Variants in ALDH4A1 observed in about 807,000 individuals in gnomAD.
ALDH4A1 encodes delta-1-pyrroline-5-carboxylate dehydrogenase, mitochondrial.
In ALDH4A1, 46 loss-of-function variants were observed where a neutral mutation model predicts 70.5. That is an observed-to-expected ratio of 0.65 (90% CI 0.51 to 0.83). The LOEUF is 0.83. Ranked by LOEUF, ALDH4A1 falls within the 40% of genes least tolerant of loss-of-function variation. The pLI is 0.00. For missense variants in ALDH4A1, 749 were observed against 766.5 expected, an observed-to-expected ratio of 0.98 and a Z score of 0.27; for synonymous variants, 323 against 324.3, an observed-to-expected ratio of 1.00 and a Z score of 0.04.
intron 1 of ALDH4A1, among the ~76,000 whole-genome samples, chr1:18,901,443 G>A (rs565472442): frequency 1.3e-5 from 2 of 152,178 alleles, no homozygotes; most frequent in Admixed American, 6.5e-5. Context: ...CAAATGGGAG[G>A]GGGGGCTGAT....
chr1:18,881,002 TGA>T (rs987813874), intron 8 of ALDH4A1, among the ~76,000 whole-genome samples: 9 of 152,228 alleles, frequency 5.9e-5, no homozygotes, highest in African/African-American at 2.2e-4. Flanking sequence ...ACCTCCAGCC[TGA>T]GAGCCGGGAC....
chr1:18,902,324 C>T (rs1301249787), intron 1 of ALDH4A1, 138 bp downstream of exon 1: 18 of 634,382 alleles, frequency 2.8e-5, no homozygotes, highest in Non-Finnish European at 3.7e-5. Flanking sequence ...GAGGGGAGCC[C>T]CTGAGGAACC....
rs1259592529 is a variant in ALDH4A1, at chr1:18,872,662, G to A, written c.*183C>T. On this transcript the variant is annotated 3_prime_UTR_variant, in exon 15 of 15. Transcript: ENST00000375341. ...TAGTGGCCATGTTCCTCCCCAGCAC[G>A]ATCTCAAACCAGAGCCTGAGGCATG... 6.8e-6 allele frequency: 4 copies of A among 585,706 alleles called. No individual in the cohort carries two copies. The highest frequency in any genetic ancestry group is 2.0e-5 in the South Asian group (1 of 49,218). The allele number at this position is 585,706 out of a possible 1,614,324, so 36.3% of individuals were successfully genotyped here. A position where few individuals can be genotyped will look rare whatever the true frequency, so the allele number is the denominator to read the frequency against.
intron 11 of ALDH4A1, 63 bp from the exon 12 acceptor site, chr1:18,876,530 A>C (rs1486871206): frequency 9.3e-6 from 14 of 1,508,336 alleles, no homozygotes; most frequent in Non-Finnish European, 1.2e-5. Context: ...GGCAGCCCCC[A>C]CAACACACTC....
chr1:18,891,153 G>A (rs899145111), intron 1 of ALDH4A1, among the ~76,000 whole-genome samples: 32 of 152,234 alleles, frequency 2.1e-4, no homozygotes, highest in African/African-American at 7.5e-4. Flanking sequence ...CAGAGCTGGA[G>A]CCTCAGCCCT....
chr1:18,874,659 T>A (rs1274614625), intron 13 of ALDH4A1, 78 bp from the exon 14 acceptor site: 1 of 1,399,152 alleles, frequency 7.1e-7, no homozygotes, highest in Non-Finnish European at 1.0e-6. Context: ...ACACCCCTGC[T>A]CCAGCCCACA....
chr1:18,897,063 A>C (rs369838950), intron 1 of ALDH4A1: 3 of 534,526 alleles, frequency 5.6e-6, no homozygotes, highest in Middle Eastern at 6.4e-4. Context: ...TGAGGAACGC[A>C]TGACAAGTTG....
In ALDH4A1 at chr1:18,885,457, C is replaced by T. The variant is rs1423905500; in HGVS notation, c.453+16G>A. On this transcript the variant is annotated intron_variant, in intron 5 of 14. Transcript: ENST00000375341. Reference sequence around the variant, plus strand: ...CCCCACCCCGCCCCACCCACCCGGGCCCACCAGCACCTCACCTGTCCCACC... The same window carrying T: ...CCCCACCCCGCCCCACCCACCCGGGTCCACCAGCACCTCACCTGTCCCACC... 8.3e-7 allele frequency: 1 copy of T among 1,197,610 alleles called. No homozygotes were observed. The highest frequency in any genetic ancestry group is 1.0e-6 in the Non-Finnish European group (1 of 960,136). The allele number at this position is 1,197,610 out of a possible 1,614,324, so 74.2% of individuals were successfully genotyped here. A position where few individuals can be genotyped will look rare whatever the true frequency, so the allele number is the denominator to read the frequency against.
chr1:18,902,358 G>T, intron 1 of ALDH4A1, 104 bp downstream of exon 1: 1 of 1,000,370 alleles, frequency 1.0e-6, no homozygotes, highest in Non-Finnish European at 1.3e-6. Context: ...GGCAGCTTGG[G>T]GGTCCGGCAG....
chr1:18,874,217 G>C (rs1319239251), intron 14 of ALDH4A1, among the ~76,000 whole-genome samples: 1 of 152,228 alleles, frequency 6.6e-6, no homozygotes. Flanking sequence ...GGCTGCTGGA[G>C]CCAAAATTAC....
intron 11 of ALDH4A1, among the ~76,000 whole-genome samples, 194 bp from the exon 12 acceptor site, chr1:18,876,661 C>CTG (rs10524811): frequency 3.4e-5 from 5 of 146,828 alleles, no homozygotes; most frequent in African/African-American, 1.0e-4. Context: ...GACATGAACA[C>CTG]TGTGTGTGTG....
Position 18,875,463 on chromosome 1 carries a change from T to G in ALDH4A1, c.1379A>C (p.Asp460Ala). Residue 460 changes from aspartate to alanine, a missense_variant, in exon 13 of 15, where the codon GAT becomes GCT. By Grantham distance (126) the Asp-to-Ala change is moderately radical. Transcript: ENST00000375341. ...GPVLSVYVYPDDKYKETLQLV... is the reference protein window; with the variant it reads ...GPVLSVYVYPADKYKETLQLV... ...CTGCAGCGTCTCCTTGTACTTGTCA[T>G]CCGGGTAGACGTACACAGACAGTAC... The G allele has an allele frequency of 6.2e-7, 1 of 1,614,094 alleles. No individual in the cohort carries two copies. Among genetic ancestry groups the G allele is most frequent in the Non-Finnish European group, 8.5e-7 (1 of 1,179,998 alleles).
intron 1 of ALDH4A1, among the ~76,000 whole-genome samples, chr1:18,892,541 TC>T (rs1557625620): frequency 7.0e-6 from 1 of 143,264 alleles, no homozygotes; most frequent in African/African-American, 2.7e-5. Flanking sequence ...GGGAAGAGCA[TC>T]CCAGGTAGAA....
chr1:18,888,317 C>T lies in ALDH4A1; in HGVS notation c.249+1045G>A, dbSNP rs764333295. ...TGCTTAAGGGCAGAGAAGGTGGCTG[C>T]GACCTGGGCCCCAGTGGACTGCAGA... On this transcript the variant is annotated intron_variant, in intron 3 of 14. Coordinates refer to ENST00000375341, the MANE Select transcript of ALDH4A1 (RefSeq NM_003748.4). Among the ~76,000 whole-genome samples the T allele has an allele frequency of 6.6e-5, 10 of 152,188 alleles. No individual in the cohort carries two copies. In the East Asian group the frequency reaches 9.6e-4, roughly 15 times the overall value.
At chr1:18,879,139 G>A (rs574931813) in intron 9 of ALDH4A1, among the ~76,000 whole-genome samples, 161 bp downstream of exon 9, 1 of 152,222 alleles carries the variant, frequency 6.6e-6, no homozygotes, top group African/African-American at 2.4e-5. Flanking sequence ...GGTACTGGAC[G>A]CATCCCTCAT....
chr1:18,874,304 G>A lies in ALDH4A1; in HGVS notation c.1579+159C>T, dbSNP rs114808921. Among the ~76,000 whole-genome samples the A allele has an allele frequency of 3.0e-3, 457 of 152,336 alleles. 3 individuals carry two copies. Among genetic ancestry groups the A allele is most frequent in the African/African-American group, 0.01 (429 of 41,570 alleles). ...TGGGAAGAATAGTCCCTTTGCTCACGAGTTTGCTGAAAGGACCCTGAGCTA... is the reference window on the plus strand; with the variant it reads ...TGGGAAGAATAGTCCCTTTGCTCACAAGTTTGCTGAAAGGACCCTGAGCTA... On this transcript the variant is annotated intron_variant, in intron 14 of 14. Transcript: ENST00000375341.
intron 13 of ALDH4A1, 74 bp from the exon 14 acceptor site, chr1:18,874,655 C>T: frequency 7.0e-7 from 1 of 1,425,266 alleles, no homozygotes; most frequent in Non-Finnish European, 9.9e-7. Context: ...CTCAACACCC[C>T]TGCTCCAGCC....
intron 7 of ALDH4A1, chr1:18,882,569 C>T (rs1200780370): frequency 1.9e-6 from 1 of 533,298 alleles, no homozygotes. Flanking sequence ...TTTCTCTGCT[C>T]CATCATTTAT....
intron 1 of ALDH4A1, among the ~76,000 whole-genome samples, chr1:18,897,882 T>G (rs1935676423): frequency 1.3e-5 from 2 of 152,214 alleles, no homozygotes. Flanking sequence ...GTCACTCAGC[T>G]GTCCACTGGC....
Sources: gnomAD v4.1 joint callset for allele counts (sites outside exome capture counted in the v4.1 genomes callset) on GRCh38, gnomAD v4.1.1 for gene constraint, MANE v1.5 for transcripts, NCBI Gene and HGNC (gene_info 2026-07-23, HGNC 2026-07-21) for gene names.